The following KHDRBS1 variants were observed in gnomAD, a reference collection of about 807,000 sequenced individuals.
KHDRBS1 encodes KH RNA binding domain containing, signal transduction associated 1, also known as KH domain-containing, RNA-binding, signal transduction-associated protein 1.
A neutral mutation model predicts 48.4 loss-of-function variants in KHDRBS1; 7 were observed. The ratio of observed to expected loss-of-function variants is 0.14; its 90% CI spans 0.08 to 0.27. The LOEUF (loss-of-function observed/expected upper bound fraction) is 0.27. Among genes scored for constraint, KHDRBS1 ranks in the 10% least tolerant of loss-of-function variants. The pLI is 1.00. For missense variants in KHDRBS1, 458 were observed against 601.2 expected (o/e 0.76, Z 2.49); for synonymous variants, 241 against 235.8 (o/e 1.02, Z -0.20).
rs1474372519 is a variant in KHDRBS1 at position 32,043,293 on chromosome 1, AC to A, written c.*670del. ...AACGTTAATTGATATAAAAAAAAAAACAACAAAATTAGGCTTGTAAAACTGA... is the reference window on the plus strand; with the variant it reads ...AACGTTAATTGATATAAAAAAAAAAAAACAAAATTAGGCTTGTAAAACTGA... On this transcript the variant is annotated 3_prime_UTR_variant, in exon 9 of 9. Coordinates refer to ENST00000327300, the MANE Select transcript of KHDRBS1 (RefSeq NM_006559.3). The A allele has an allele frequency of 2.6e-5, 4 of 152,152 alleles. No individual in the cohort carries two copies. Among genetic ancestry groups the A allele is most frequent in the African/African-American group, 9.7e-5 (4 of 41,184 alleles). The allele number at this position is 152,152 out of a possible 1,614,324, so 9.4% of individuals were successfully genotyped here.
intron 1 of KHDRBS1, among the ~76,000 whole-genome samples, chr1:32,029,900 T>G (rs1454426527): frequency 6.6e-6 from 1 of 152,230 alleles, no homozygotes; most frequent in Non-Finnish European, 1.5e-5. Flanking sequence ...AATGGAACTA[T>G]CCATTGTATA....
intron 1 of KHDRBS1, among the ~76,000 whole-genome samples, chr1:32,022,761 C>T (rs915170060): frequency 4.6e-5 from 7 of 151,948 alleles, no homozygotes; most frequent in South Asian, 2.1e-4. Flanking sequence ...TGGTGGCATG[C>T]GCCTATAGTC....
At chr1:32,032,266 G>C (rs1639095887) in intron 3 of KHDRBS1, among the ~76,000 whole-genome samples, 1 of 152,206 alleles carries the variant, frequency 6.6e-6, no homozygotes, top group African/African-American at 2.4e-5. Flanking sequence ...CTTATTTGAT[G>C]AGATATTCCT....
intron 1 of KHDRBS1, among the ~76,000 whole-genome samples, chr1:32,022,355 T>C (rs1030304170): frequency 2.6e-5 from 4 of 152,144 alleles, no homozygotes; most frequent in Admixed American, 2.0e-4. Flanking sequence ...TATCAAGCAT[T>C]GTACTGTACT....
intron 8 of KHDRBS1, 65 bp downstream of exon 8, chr1:32,039,638 T>A: frequency 1.2e-6 from 1 of 867,804 alleles, no homozygotes; most frequent in Non-Finnish European, 2.0e-6. Flanking sequence ...TGCTGGTGAC[T>A]AAAGTATTGA....
chr1:32,050,345 C>G (rs1011558468), intron 10 of KHDRBS1, among the ~76,000 whole-genome samples: 1 of 152,102 alleles, frequency 6.6e-6, no homozygotes, highest in African/African-American at 2.4e-5. Flanking sequence ...AGTGGGTTGT[C>G]CTTTTACTTT....
At chr1:32,041,897 T>C (rs776007876) in intron 8 of KHDRBS1, among the ~76,000 whole-genome samples, 2 of 152,210 alleles carry the variant, frequency 1.3e-5, no homozygotes, top group East Asian at 1.9e-4. Flanking sequence ...CTTGGAATTA[T>C]CTTAAACAGT....
intron 1 of KHDRBS1, among the ~76,000 whole-genome samples, chr1:32,019,428 T>G (rs537523941): frequency 6.6e-6 from 1 of 152,054 alleles, no homozygotes; most frequent in South Asian, 2.1e-4. Flanking sequence ...CAGGTGCCTG[T>G]AATGCCGGCT....
At chr1:32,053,476 G>T (rs921600800) in intron 10 of KHDRBS1, among the ~76,000 whole-genome samples, 2 of 152,066 alleles carry the variant, frequency 1.3e-5, no homozygotes, top group South Asian at 4.1e-4. Context: ...CTGCAGCCTT[G>T]AACTCCTGGT....
chr1:32,019,928 T>C (rs908975949), intron 1 of KHDRBS1, among the ~76,000 whole-genome samples: 1 of 151,988 alleles, frequency 6.6e-6, no homozygotes, highest in African/African-American at 2.4e-5. Context: ...CCCACCACCA[T>C]GCCCGGCTGA....
At chr1:32,026,736 A>G (rs1055188562) in intron 1 of KHDRBS1, among the ~76,000 whole-genome samples, 3 of 152,202 alleles carry the variant, frequency 2.0e-5, no homozygotes, top group East Asian at 1.9e-4. Flanking sequence ...GGTCTAACTC[A>G]ATGGTAGCCC....
At chr1:32,041,548 A>G (rs1569811469) in intron 8 of KHDRBS1, among the ~76,000 whole-genome samples, 1 of 138,418 alleles carries the variant, frequency 7.2e-6, no homozygotes, top group Non-Finnish European at 1.6e-5. Flanking sequence ...GGCTTCTCTC[A>G]CCTGTTGACT....
At chr1:32,056,794 C>T (rs1275025650) in intron 10 of KHDRBS1, among the ~76,000 whole-genome samples, 1 of 152,192 alleles carries the variant, frequency 6.6e-6, no homozygotes. Flanking sequence ...GTACAAATGT[C>T]TCCTTTCATT....
rs752135277 is a variant in KHDRBS1 at position 32,014,282 on chromosome 1, A to G, written c.287A>G (p.Lys96Arg). The change falls in exon 1 of 9, where the codon AAG becomes AGG. Residue 96 changes from lysine to arginine, a missense_variant. Physicochemically the swap from Lys to Arg is conservative, Grantham distance 26 (BLOSUM62 2). This residue lies in a region of KHDRBS1 where 213 missense variants were observed against 215.6 expected (regional missense o/e 0.99). Coordinates refer to ENST00000327300, the MANE Select transcript of KHDRBS1 (RefSeq NM_006559.3). Reference protein sequence around the residue: ...LLPPSATASVKMEPENKYLPE... With the variant: ...LLPPSATASVRMEPENKYLPE... Reference sequence around the variant, plus strand: ...CCCCCCTCGGCCACAGCCTCGGTCAAGATGGAGCCAGAGAACAAGTACCTG... The same window carrying G: ...CCCCCCTCGGCCACAGCCTCGGTCAGGATGGAGCCAGAGAACAAGTACCTG... 3.2e-6 allele frequency: 5 copies of G among 1,555,144 alleles called. No homozygotes were observed. The highest frequency in any genetic ancestry group is 5.0e-5 in the East Asian group (2 of 40,106).
chr1:32,018,489 C>T (rs999889315), intron 1 of KHDRBS1, among the ~76,000 whole-genome samples: 1 of 150,702 alleles, frequency 6.6e-6, no homozygotes, highest in Non-Finnish European at 1.5e-5. Context: ...GGTGCGGTGG[C>T]TCACGCCTGT....
At position 32,038,561 on chromosome 1, in the gene KHDRBS1, G is replaced by A. The variant is rs758962637; in HGVS notation, c.1117G>A (p.Asp373Asn). The A allele has an allele frequency of 1.9e-6, 3 of 1,613,628 alleles. No homozygotes were observed. The Admixed American group carries it at 5.0e-5, about 27-fold the overall frequency. ...GTTGTTGTTGTTCTAGGGATATGAT[G>A]ATACATACGCAGAACAAAGTTACGA... ...PETYEEYGYD[D>N]TYAEQSYEGY... The change falls in exon 7 of 9, where the codon GAT (aspartate) becomes AAT (asparagine). Residue 373 changes from aspartate to asparagine, a missense_variant. Transcript: ENST00000327300.
At position 32,038,036 on chromosome 1, in the gene KHDRBS1, T is replaced by C; in HGVS notation, c.1107T>C (p.Tyr369=). 1 of 1,613,802 alleles carries C rather than the reference T, an allele frequency of 6.2e-7. No individual in the cohort carries two copies. The highest frequency in any genetic ancestry group is 2.2e-5 in the East Asian group (1 of 44,870). The change falls in exon 6 of 9, where the codon TAT becomes TAC. Residue 369 remains tyrosine, a splice_region_variant and synonymous_variant. Transcript: ENST00000327300. ...PPPAPETYEE[Y]GYDDTYAEQS... Reference sequence around the variant, plus strand: ...CTGCACCAGAAACATATGAAGAATATGTAAGAAATTTGAACAATGTGCCAT... The same window carrying C: ...CTGCACCAGAAACATATGAAGAATACGTAAGAAATTTGAACAATGTGCCAT...
intron 6 of KHDRBS1, among the ~76,000 whole-genome samples, 153 bp from the exon 7 acceptor site, chr1:32,038,399 T>G (rs74342078): frequency 0.017 from 2,580 of 152,312 alleles, 75 homozygotes; most frequent in African/African-American, 0.058. Flanking sequence ...ACCCTTTCTC[T>G]TTTGACTATT....
intron 1 of KHDRBS1, among the ~76,000 whole-genome samples, chr1:32,026,825 T>C (rs1481009458): frequency 6.6e-6 from 1 of 152,156 alleles, no homozygotes; most frequent in East Asian, 1.9e-4. Context: ...GATGGAGTCT[T>C]GCCCTATCGC....
Sources: gnomAD v4.1 joint callset for allele counts (sites outside exome capture counted in the v4.1 genomes callset) on GRCh38, gnomAD v4.1.1 for gene constraint, gnomAD v4.1.1 regional missense constraint, MANE v1.5 for transcripts, NCBI Gene and HGNC (gene_info 2026-07-23, HGNC 2026-07-21) for gene names.